ZNF385D: variants seen among roughly 807,000 people sequenced by gnomAD.
ZNF385D encodes the protein zinc finger protein 659.
Under a neutral mutation model 35.8 loss-of-function variants are expected in ZNF385D, and 15 were observed. The ratio of observed to expected loss-of-function variants is 0.42; its 90% confidence interval spans 0.28 to 0.64. The LOEUF (loss-of-function observed/expected upper bound fraction) is 0.64. ZNF385D is among the 30% of genes least tolerant of loss of function. The pLI is 0.23. For synonymous variants in ZNF385D, 212 were observed against 186.8 expected (o/e 1.13, Z -1.10); for missense variants, 474 against 494.6 (o/e 0.96, Z 0.39).
At chr3:22,134,922 A>C (rs1225125786) in intron 3 of ZNF385D, among the ~76,000 whole-genome samples, 1 of 152,210 alleles carries the variant, frequency 6.6e-6, no homozygotes, top group East Asian at 1.9e-4. Flanking sequence ...CCAACCTTCC[A>C]ACACTAGTAC....
intron 3 of ZNF385D, among the ~76,000 whole-genome samples, chr3:21,978,752 G>C (rs1576066716): frequency 6.6e-6 from 1 of 152,130 alleles, no homozygotes; most frequent in East Asian, 1.9e-4. Context: ...TTAACACCTT[G>C]AAAAGTCTTC....
chr3:22,113,803 T>C (rs967880362), intron 3 of ZNF385D, among the ~76,000 whole-genome samples: 9 of 151,966 alleles, frequency 5.9e-5, no homozygotes, highest in African/African-American at 1.4e-4. Flanking sequence ...CTAAAGGAAG[T>C]TGAGACAATT....
At chr3:22,266,696 C>G (rs1702193455) in intron 2 of ZNF385D, among the ~76,000 whole-genome samples, 1 of 151,876 alleles carries the variant, frequency 6.6e-6, no homozygotes, top group South Asian at 2.1e-4. Context: ...CTTTTCACAG[C>G]TTGCTATATA....
intron 3 of ZNF385D, among the ~76,000 whole-genome samples, chr3:22,140,728 T>C (rs1704453569): frequency 1.3e-5 from 2 of 152,172 alleles, no homozygotes; most frequent in Non-Finnish European, 2.9e-5. Context: ...AAAGCTAAAA[T>C]GCATTGGAAA....
chr3:22,158,721 G>C (rs1705751065), intron 3 of ZNF385D, among the ~76,000 whole-genome samples: 1 of 151,778 alleles, frequency 6.6e-6, no homozygotes, highest in Non-Finnish European at 1.5e-5. Flanking sequence ...GTGTTTCTGA[G>C]AAACAAACAA....
At chr3:21,639,942 C>T (rs541347489) in intron 2 of ZNF385D, among the ~76,000 whole-genome samples, 2 of 152,022 alleles carry the variant, frequency 1.3e-5, no homozygotes, top group Admixed American at 6.6e-5. Flanking sequence ...ATATAAGAAA[C>T]AATCCAAAGA....
At chr3:22,307,761 AACTTT>A (rs1703313861) in intron 2 of ZNF385D, among the ~76,000 whole-genome samples, 1 of 151,454 alleles carries the variant, frequency 6.6e-6, no homozygotes, top group South Asian at 2.1e-4. Context: ...AAAAAAAAAA[AACTTT>A]CTTTCTTAGG....
intron 2 of ZNF385D, among the ~76,000 whole-genome samples, chr3:22,365,257 T>G (rs1696600866): frequency 6.6e-6 from 1 of 151,996 alleles, no homozygotes. Context: ...TATATATATT[T>G]ATGACAAAAA....
chr3:22,235,896 A>G (rs1699153211), intron 2 of ZNF385D, among the ~76,000 whole-genome samples: 1 of 152,122 alleles, frequency 6.6e-6, no homozygotes, highest in Admixed American at 6.6e-5. Flanking sequence ...TAAAAAGTAA[A>G]AAGTAAATAT....
intron 3 of ZNF385D, among the ~76,000 whole-genome samples, chr3:21,516,980 A>T (rs1707609161): frequency 6.6e-6 from 1 of 152,136 alleles, no homozygotes; most frequent in Admixed American, 6.5e-5. Flanking sequence ...TTTTTAAAAA[A>T]ATCTAATTTA....
intron 3 of ZNF385D, among the ~76,000 whole-genome samples, chr3:21,514,849 T>C (rs1483166213): frequency 6.6e-6 from 1 of 152,100 alleles, no homozygotes; most frequent in Non-Finnish European, 1.5e-5. Flanking sequence ...TTTAACACTT[T>C]AAATAATAAG....
At chr3:21,605,175 G>T (rs539665133) in intron 2 of ZNF385D, among the ~76,000 whole-genome samples, 1 of 152,280 alleles carries the variant, frequency 6.6e-6, no homozygotes, top group Admixed American at 6.5e-5. Context: ...ATCATTGGAG[G>T]GGGGCTGTGT....
intron 3 of ZNF385D, among the ~76,000 whole-genome samples, chr3:21,782,359 G>T (rs1003146079): frequency 1.3e-5 from 2 of 152,066 alleles, no homozygotes; most frequent in Non-Finnish European, 2.9e-5. Context: ...GGAAATTCAG[G>T]AGTCAGAGAG....
chr3:22,086,288 G>C (rs879018514), intron 3 of ZNF385D, among the ~76,000 whole-genome samples: 1 of 152,186 alleles, frequency 6.6e-6, no homozygotes, highest in Non-Finnish European at 1.5e-5. Flanking sequence ...TGACATGATT[G>C]TATATTTAGA....
At chr3:21,787,716 A>G (rs1487581104) in intron 3 of ZNF385D, among the ~76,000 whole-genome samples, 1 of 152,128 alleles carries the variant, frequency 6.6e-6, no homozygotes, top group Admixed American at 6.6e-5. Flanking sequence ...AGATCACAAC[A>G]TATTTGAGGA....
At chr3:22,355,097 A>C (rs189251028) in intron 2 of ZNF385D, among the ~76,000 whole-genome samples, 1 of 152,186 alleles carries the variant, frequency 6.6e-6, no homozygotes, top group East Asian at 1.9e-4. Context: ...AGTGTATTTC[A>C]ATGTCAATAG....
At chr3:22,151,103 G>A (rs1705202025) in intron 3 of ZNF385D, among the ~76,000 whole-genome samples, 1 of 152,170 alleles carries the variant, frequency 6.6e-6, no homozygotes, top group Non-Finnish European at 1.5e-5. Context: ...AACTCTGGAT[G>A]TGTCTTCCCT....
rs536599091 is a variant in ZNF385D at position 22,176,661 on chromosome 3, C to G, written c.107-7626G>C. ...AGATACAGAATGGAACTTTTAAATGCATTCCTTTCTTCCTTTTAAGCAGTA... is the reference window on the plus strand; with the variant it reads ...AGATACAGAATGGAACTTTTAAATGGATTCCTTTCTTCCTTTTAAGCAGTA... On this transcript the variant is annotated intron_variant, in intron 2 of 5. Coordinates refer to the ZNF385D transcript ENST00000494108. Among the ~76,000 whole-genome samples, 40 of 152,228 alleles carry G rather than the reference C, an allele frequency of 2.6e-4. 1 individual carries two copies. The South Asian group carries it at 8.3e-3, about 32-fold the overall frequency.
intron 3 of ZNF385D, among the ~76,000 whole-genome samples, chr3:21,917,072 T>A (rs573856330): frequency 1.3e-5 from 2 of 152,292 alleles, no homozygotes; most frequent in African/African-American, 4.8e-5. Context: ...ATCCATTAAA[T>A]AGAGTCCATT....
Sources: allele counts gnomAD v4.1 joint callset (sites outside exome capture counted in the v4.1 genomes callset), GRCh38; gene constraint gnomAD v4.1.1; transcripts MANE v1.5; gene names NCBI Gene and HGNC (gene_info 2026-07-23, HGNC 2026-07-21).